MEGF10: variants seen among roughly 807,000 people sequenced by gnomAD.
MEGF10 encodes the protein multiple epidermal growth factor-like domains protein 10.
MEGF10 carries 86 observed loss-of-function variants against 147.5 expected under a neutral mutation model. The observed-to-expected ratio is 0.58, with a 90% CI of 0.49 to 0.70. The LOEUF (loss-of-function observed/expected upper bound fraction) is 0.70. Ranked by LOEUF, MEGF10 falls within the 30% of genes least tolerant of loss-of-function variation. MEGF10 has a pLI of 0.00. For synonymous variants in MEGF10, 478 were observed against 525.5 expected (o/e 0.91, Z 1.24); for missense variants, 1,329 against 1,487.3 (o/e 0.89, Z 1.75).
chr5:127,422,549 T>C (rs1039497012), intron 12 of MEGF10, 121 bp from the exon 13 acceptor site: 67 of 698,284 alleles, frequency 9.6e-5, no homozygotes, highest in Non-Finnish European at 1.5e-4. Flanking sequence ...GATACATCCC[T>C]GTAAGAAGCG....
rs147379793 is a variant in MEGF10, at chr5:127,413,095, G to A, written c.1130+2494G>A. On this transcript the variant is annotated intron_variant, in intron 9 of 24. Coordinates refer to ENST00000503335, the MANE Select transcript of MEGF10 (RefSeq NM_001256545.2). The stretch of plus-strand genomic sequence containing the variant: ...CCAGATTCAACATACCCCACCTCTC[G>A]ATGGGAGGTGTTGCAAAGAATTTGT... Among the ~76,000 whole-genome samples the A allele has an allele frequency of 1.7e-4, 26 of 152,230 alleles. No individual in the cohort carries two copies. In the East Asian group the frequency reaches 4.2e-3, roughly 25 times the overall value.
At chr5:127,386,357 A>C (rs1197316804) in intron 5 of MEGF10, among the ~76,000 whole-genome samples, 3 of 152,220 alleles carry the variant, frequency 2.0e-5, no homozygotes, top group Non-Finnish European at 4.4e-5. Flanking sequence ...GGTGCCTCTC[A>C]ATTTGGCAAT....
At chr5:127,420,298 T>C (rs560957828) in intron 12 of MEGF10, 91 bp downstream of exon 12, 48 of 1,431,632 alleles carry the variant, frequency 3.4e-5, no homozygotes, top group South Asian at 2.0e-4. Flanking sequence ...TGACTTCAAG[T>C]GGCTCACTGT....
chr5:127,269,318 G>A, the MEGF10 span, among the ~76,000 whole-genome samples: 5 of 152,182 alleles, frequency 3.3e-5, no homozygotes, highest in Admixed American at 3.3e-4. Context: ...CAAACCCAAT[G>A]CAAAGAAGTT....
chr5:127,299,547 A>G (rs1759677752), intron 1 of MEGF10, among the ~76,000 whole-genome samples: 1 of 152,212 alleles, frequency 6.6e-6, no homozygotes. Flanking sequence ...TTGTGTCAGA[A>G]GAAGATTCAA....
At chr5:127,290,220 C>T (rs968714677), upstream of MEGF10, among the ~76,000 whole-genome samples, 1 of 152,054 alleles carries the variant, frequency 6.6e-6, no homozygotes, top group Admixed American at 6.6e-5. Context: ...AGCAGACTAT[C>T]CCACCCTCCA....
chr5:127,430,944 C>T (rs143181742), intron 13 of MEGF10, among the ~76,000 whole-genome samples: 1 of 152,124 alleles, frequency 6.6e-6, no homozygotes, highest in African/African-American at 2.4e-5. Flanking sequence ...CTTTGCAATT[C>T]TAAACTAAAA....
At chr5:127,272,626 C>T in the MEGF10 span, among the ~76,000 whole-genome samples, 5 of 152,076 alleles carry the variant, frequency 3.3e-5, no homozygotes, top group African/African-American at 9.7e-5. Context: ...TGTAGTTCTC[C>T]GTGATGAGGT....
At chr5:127,397,891 G>C (rs1410732741) in intron 6 of MEGF10, among the ~76,000 whole-genome samples, 1 of 152,298 alleles carries the variant, frequency 6.6e-6, no homozygotes, top group East Asian at 1.9e-4. Flanking sequence ...AATGGATGAT[G>C]AGAAGGAGTT....
chr5:127,407,885 G>T (rs1243255155), intron 8 of MEGF10, among the ~76,000 whole-genome samples: 1 of 152,104 alleles, frequency 6.6e-6, no homozygotes, highest in African/African-American at 2.4e-5. Context: ...ATTTTCCTTT[G>T]GCAGATAGAA....
At position 127,340,404 on chromosome 5, in the gene MEGF10, A is replaced by G. The variant is rs571228805; in HGVS notation, c.219-126A>G. On this transcript the variant is annotated intron_variant, in intron 3 of 24. Coordinates refer to ENST00000503335, the MANE Select transcript of MEGF10 (RefSeq NM_001256545.2). The stretch of plus-strand genomic sequence containing the variant: ...CAATAGGGAATCTTAATATCTTCTT[A>G]GCAAATTGATGAGTTAGTATTATAT... The G allele has an allele frequency of 2.1e-5, 13 of 605,430 alleles. No individual in the cohort carries two copies. The South Asian group carries it at 3.0e-4, about 14-fold the overall frequency. The allele number at this position is 605,430 out of a possible 1,614,324, so 37.5% of individuals were successfully genotyped here.
chr5:127,408,790 G>A (rs548908193), intron 8 of MEGF10, among the ~76,000 whole-genome samples: 2 of 152,214 alleles, frequency 1.3e-5, no homozygotes, highest in South Asian at 2.1e-4. Flanking sequence ...GAAAAGCATC[G>A]AAAGGGCTGG....
chr5:127,264,617 T>C, the MEGF10 span, among the ~76,000 whole-genome samples: 1 of 152,168 alleles, frequency 6.6e-6, no homozygotes, highest in African/African-American at 2.4e-5. Flanking sequence ...AGGCAGGTTC[T>C]CAGGAGCTCT....
At chr5:127,281,705 A>G in the MEGF10 span, among the ~76,000 whole-genome samples, 5 of 152,332 alleles carry the variant, frequency 3.3e-5, no homozygotes, top group South Asian at 2.1e-4. Flanking sequence ...GGGATGGCCA[A>G]CTGTGCCTGT....
chr5:127,282,957 G>T, the MEGF10 span, among the ~76,000 whole-genome samples: 1 of 152,194 alleles, frequency 6.6e-6, no homozygotes, highest in Non-Finnish European at 1.5e-5. Flanking sequence ...TGACCAGATT[G>T]GTTCAGCTCT....
intron 4 of MEGF10, among the ~76,000 whole-genome samples, chr5:127,368,991 G>C (rs192073732): frequency 1.3e-5 from 2 of 152,030 alleles, no homozygotes; most frequent in East Asian, 3.9e-4. Context: ...TTTACTTTTT[G>C]GTGTTTTATA....
At chr5:127,353,900 G>C (rs1379366859) in intron 4 of MEGF10, among the ~76,000 whole-genome samples, 1 of 152,216 alleles carries the variant, frequency 6.6e-6, no homozygotes, top group Non-Finnish European at 1.5e-5. Flanking sequence ...AGCTCTGATG[G>C]TGAGAGATCA....
chr5:127,413,029 C>T (rs901362640), intron 9 of MEGF10, among the ~76,000 whole-genome samples: 1 of 152,118 alleles, frequency 6.6e-6, no homozygotes, highest in Non-Finnish European at 1.5e-5. Context: ...ATGTCATGTT[C>T]GCTAATACCC....
chr5:127,321,995 T>C (rs1317563576), intron 1 of MEGF10, among the ~76,000 whole-genome samples: 1 of 152,062 alleles, frequency 6.6e-6, no homozygotes, highest in Non-Finnish European at 1.5e-5. Context: ...TCTGTTATGA[T>C]TGGATTTTTT....
Sources: gnomAD v4.1 joint callset for allele counts (sites outside exome capture counted in the v4.1 genomes callset) on GRCh38, gnomAD v4.1.1 for gene constraint, MANE v1.5 for transcripts, NCBI Gene and HGNC (gene_info 2026-07-23, HGNC 2026-07-21) for gene names.